Variants in MMP16 observed in about 807,000 individuals in gnomAD.
The protein encoded by MMP16 is matrix metallopeptidase 16.
MMP16 carries 12 observed loss-of-function variants against 67.8 expected under a neutral mutation model. The observed-to-expected ratio is 0.18, with a 90% CI of 0.11 to 0.29. The LOEUF (loss-of-function observed/expected upper bound fraction) is 0.29. Among genes scored for constraint, MMP16 ranks in the 10% least tolerant of loss-of-function variants. The pLI, the probability that MMP16 is intolerant of heterozygous loss-of-function variation, is 1.00. For missense variants in MMP16, 475 were observed against 765.7 expected (o/e 0.62, Z 4.48); for synonymous variants, 249 against 255.9 (o/e 0.97, Z 0.26).
intron 1 of MMP16, among the ~76,000 whole-genome samples, chr8:88,319,719 T>C (rs1811429188): frequency 1.3e-5 from 2 of 152,116 alleles, no homozygotes; most frequent in African/African-American, 4.8e-5. Context: ...TTTAGGGACA[T>C]GAAATGAAGT....
At chr8:88,295,585 T>C (rs943198966) in intron 1 of MMP16, among the ~76,000 whole-genome samples, 1 of 152,024 alleles carries the variant, frequency 6.6e-6, no homozygotes, top group Non-Finnish European at 1.5e-5. Context: ...TTAAGTATTT[T>C]GTGAGTGATG....
At chr8:88,109,655 A>C (rs544439445) in intron 6 of MMP16, among the ~76,000 whole-genome samples, 2 of 151,390 alleles carry the variant, frequency 1.3e-5, no homozygotes, top group Admixed American at 1.3e-4. Flanking sequence ...CTAAAATAAA[A>C]TACTTTCCAT....
intron 1 of MMP16, among the ~76,000 whole-genome samples, chr8:88,268,141 G>C (rs890640649): frequency 6.6e-6 from 1 of 152,102 alleles, no homozygotes; most frequent in African/African-American, 2.4e-5. Flanking sequence ...TCAGGAGTTC[G>C]AGACCAGCCT....
chr8:88,106,051 G>GTATATATATATATATATA (rs34758855), intron 6 of MMP16, among the ~76,000 whole-genome samples: 7 of 145,412 alleles, frequency 4.8e-5, no homozygotes, highest in African/African-American at 1.3e-4. Context: ...TACACGTTAT[G>GTATATATATATATATATA]TATATATATA....
intron 1 of MMP16, among the ~76,000 whole-genome samples, chr8:88,326,572 GT>G (rs1309752383): frequency 6.6e-6 from 1 of 151,914 alleles, no homozygotes; most frequent in Non-Finnish European, 1.5e-5. Context: ...ATTCTCAAGT[GT>G]TTTATCACAA....
intron 7 of MMP16, among the ~76,000 whole-genome samples, chr8:88,057,021 T>A (rs1808341217): frequency 6.6e-6 from 1 of 152,172 alleles, no homozygotes; most frequent in Non-Finnish European, 1.5e-5. Context: ...CCTGGCTGAC[T>A]GTGCCCACCA....
chr8:88,061,080 C>T (rs1400439202), intron 7 of MMP16, among the ~76,000 whole-genome samples: 2 of 151,002 alleles, frequency 1.3e-5, no homozygotes, highest in Middle Eastern at 3.2e-3. Flanking sequence ...GAAATATGGT[C>T]ATAAAAATGC....
chr8:88,327,380 C>A lies in MMP16; in HGVS notation c.-174G>T. 1 of 670,058 alleles carries A rather than the reference C, an allele frequency of 1.5e-6. No individual in the cohort carries two copies. The highest frequency in any genetic ancestry group is 2.5e-6 in the Non-Finnish European group (1 of 402,958). 41.5% of individuals were successfully genotyped at this position (670,058 alleles called of 1,614,324 possible). A position where few individuals can be genotyped will look rare whatever the true frequency, so the allele number is the denominator to read the frequency against. Reference sequence around the variant, plus strand: ...CAGGGGCCCCGCGCTCGGCAGCCCCCGAGAGGCAGCGGCGAAGACAGGGTC... The same window carrying A: ...CAGGGGCCCCGCGCTCGGCAGCCCCAGAGAGGCAGCGGCGAAGACAGGGTC... On this transcript the variant is annotated 5_prime_UTR_variant, in exon 1 of 10. Transcript: ENST00000286614.
At chr8:88,304,495 T>A (rs929579134) in intron 1 of MMP16, among the ~76,000 whole-genome samples, 12 of 152,060 alleles carry the variant, frequency 7.9e-5, no homozygotes, top group Non-Finnish European at 1.3e-4. Context: ...CACATAATCA[T>A]CAGATTCTCC....
intron 1 of MMP16, among the ~76,000 whole-genome samples, chr8:88,213,428 A>G (rs1809542062): frequency 2.0e-5 from 3 of 152,188 alleles, no homozygotes; most frequent in Admixed American, 6.6e-5. Context: ...TAATGTTACT[A>G]ATATATTCAT....
intron 1 of MMP16, among the ~76,000 whole-genome samples, chr8:88,317,222 T>C (rs1231511914): frequency 6.6e-6 from 1 of 152,148 alleles, no homozygotes; most frequent in Non-Finnish European, 1.5e-5. Flanking sequence ...TCAAACAGTA[T>C]TGCATGCTAA....
chr8:88,321,586 A>G (rs1460724408), intron 1 of MMP16, among the ~76,000 whole-genome samples: 1 of 151,440 alleles, frequency 6.6e-6, no homozygotes. Context: ...ATGATAACAC[A>G]TGTTAGATTT....
At chr8:88,114,506 T>C (rs922091567) in intron 6 of MMP16, among the ~76,000 whole-genome samples, 1 of 151,994 alleles carries the variant, frequency 6.6e-6, no homozygotes, top group African/African-American at 2.4e-5. Context: ...GCAGACAGGA[T>C]GCTAGTTTCC....
chr8:88,147,554 T>C (rs779850642), intron 4 of MMP16, among the ~76,000 whole-genome samples: 5 of 152,146 alleles, frequency 3.3e-5, no homozygotes, highest in Non-Finnish European at 7.4e-5. Context: ...ACTGCCTCAC[T>C]TTTTATACTT....
Position 88,327,278 on chromosome 8 carries a change from C to A in MMP16, c.-72G>T. 1 of 1,595,408 alleles carries A rather than the reference C, an allele frequency of 6.3e-7. No individual in the cohort carries two copies. Among genetic ancestry groups the A allele is most frequent in the Middle Eastern group, 1.7e-4 (1 of 5,986 alleles). ...CCTCTCTCCCTCTCCCTCCCTCCCTCGTTTCCTTTCAAAAAAAAGTCCTCC... is the reference window on the plus strand; with the variant it reads ...CCTCTCTCCCTCTCCCTCCCTCCCTAGTTTCCTTTCAAAAAAAAGTCCTCC... On this transcript the variant is annotated 5_prime_UTR_variant, in exon 1 of 10. Transcript: ENST00000286614.
intron 1 of MMP16, among the ~76,000 whole-genome samples, chr8:88,248,394 G>A (rs1810153723): frequency 6.6e-6 from 1 of 152,066 alleles, no homozygotes; most frequent in South Asian, 2.1e-4. Context: ...GAGTGAATTT[G>A]TGAGCCAACA....
chr8:88,041,639 A>C lies in MMP16; in HGVS notation c.1646T>G (p.Val549Gly). The stretch of plus-strand genomic sequence containing the variant: ...GTTGTCCAGTTTGATGACAATGTCT[A>C]CATCATCTGGTGGGCTGTGTCCTTC... Reference protein sequence around the residue: ...VKEGHSPPDDVDIVIKLDNTA... With the variant: ...VKEGHSPPDDGDIVIKLDNTA... Residue 549 changes from valine (V) to glycine (G), a missense_variant, in exon 10 of 10, where the codon GTA becomes GGA. Val to Gly is a moderately radical substitution (Grantham distance 109, BLOSUM62 -3). Around this residue, in one of 5 missense-constraint regions of MMP16, gnomAD observed 80 missense variants for 93.4 expected, o/e 0.86. Transcript: ENST00000286614. The surrounding 1 kb of genome is among the most constrained non-coding windows in gnomAD (Gnocchi z 6.0). The C allele has an allele frequency of 6.2e-7, 1 of 1,614,114 alleles. No homozygotes were observed. Among genetic ancestry groups the C allele is most frequent in the Non-Finnish European group, 8.5e-7 (1 of 1,179,992 alleles).
At chr8:88,181,545 T>C in intron 3 of MMP16, among the ~76,000 whole-genome samples, 1 of 151,330 alleles carries the variant, frequency 6.6e-6, no homozygotes, top group South Asian at 2.1e-4. Context: ...TAGGAAGATA[T>C]CCATTTCCTA....
At chr8:88,090,887 A>C (rs2118343378) in intron 6 of MMP16, among the ~76,000 whole-genome samples, 1 of 151,972 alleles carries the variant, frequency 6.6e-6, no homozygotes, top group Non-Finnish European at 1.5e-5. Context: ...CATGAATATA[A>C]GCATATATAT....
Sources: allele counts gnomAD v4.1 joint callset (sites outside exome capture counted in the v4.1 genomes callset), GRCh38; gene constraint gnomAD v4.1.1; regional missense constraint gnomAD v4.1.1; non-coding constraint Gnocchi (gnomAD v3.1); transcripts MANE v1.5; gene names NCBI Gene and HGNC (gene_info 2026-07-23, HGNC 2026-07-21).